The following FSTL5 variants were observed in gnomAD, a reference collection of about 807,000 sequenced individuals.
The protein encoded by FSTL5 is follistatin-related protein 5.
Under a neutral mutation model 89.1 loss-of-function variants are expected in FSTL5, and 62 were observed. The observed-to-expected ratio is 0.70, with a 90% CI of 0.57 to 0.86. The LOEUF (loss-of-function observed/expected upper bound fraction) is 0.86. Ranked by LOEUF, FSTL5 falls within the 40% of genes least tolerant of loss-of-function variation. FSTL5 has a pLI of 0.00. For missense variants in FSTL5, 1,057 were observed against 1,001.6 expected, an observed-to-expected ratio of 1.06 and a Z score of -0.75; for synonymous variants, 383 against 346.2, an observed-to-expected ratio of 1.11 and a Z score of -1.18.
At chr4:161,598,368 CTGTCT>C (rs1458361969) in intron 7 of FSTL5, among the ~76,000 whole-genome samples, 2 of 132,156 alleles carry the variant, frequency 1.5e-5, no homozygotes, top group Non-Finnish European at 3.2e-5. Context: ...GAGTGAGACC[CTGTCT>C]CAAAACAAAC....
intron 6 of FSTL5, among the ~76,000 whole-genome samples, chr4:161,659,980 G>C (rs1476180679): frequency 2.0e-5 from 3 of 152,086 alleles, no homozygotes; most frequent in African/African-American, 7.2e-5. Flanking sequence ...CATGTGTCCA[G>C]AGTCACCTGG....
rs912435645 is a variant in FSTL5, at chr4:161,471,944, T to C, written c.1608+9076A>G. Among the ~76,000 whole-genome samples the C allele has an allele frequency of 7.9e-4, 119 of 151,524 alleles. 2 individuals are homozygous for C. Among genetic ancestry groups the C allele is most frequent in the Admixed American group, 7.8e-3 (118 of 15,196 alleles). ...TATTAATTAAAATCTCTTTCTCTTA[T>C]CCCATCTAGCTAATAGCTTGTCAAT... On this transcript the variant is annotated intron_variant, in intron 13 of 15. Coordinates refer to ENST00000306100, the MANE Select transcript of FSTL5 (RefSeq NM_020116.5).
At chr4:161,656,527 G>A in intron 6 of FSTL5, 33 bp from the exon 7 acceptor site, 2 of 1,412,410 alleles carry the variant, frequency 1.4e-6, no homozygotes, top group Non-Finnish European at 1.9e-6. Flanking sequence ...ATGTTGATGA[G>A]CATTTAGTTT....
intron 10 of FSTL5, among the ~76,000 whole-genome samples, chr4:161,520,958 C>T (rs1418300380): frequency 6.6e-6 from 1 of 152,156 alleles, no homozygotes; most frequent in Non-Finnish European, 1.5e-5. Context: ...CATCTTTAGC[C>T]TGGGGTGTCT....
intron 15 of FSTL5, among the ~76,000 whole-genome samples, chr4:161,433,736 A>T (rs1732461173): frequency 6.6e-6 from 1 of 152,170 alleles, no homozygotes; most frequent in Admixed American, 6.5e-5. Flanking sequence ...TCAACATACA[A>T]AATCAGTAGC....
chr4:161,638,085 C>T (rs1218335266), intron 7 of FSTL5, among the ~76,000 whole-genome samples: 1 of 150,396 alleles, frequency 6.6e-6, no homozygotes, highest in Non-Finnish European at 1.5e-5. Context: ...ATTGATTCTT[C>T]CTACCCATGA....
At chr4:161,945,617 T>G (rs2110936424) in intron 3 of FSTL5, among the ~76,000 whole-genome samples, 1 of 152,234 alleles carries the variant, frequency 6.6e-6, no homozygotes, top group Non-Finnish European at 1.5e-5. Flanking sequence ...CCGGGCGTAG[T>G]GGCATGCACT....
chr4:162,132,212 G>A (rs1732328522), intron 1 of FSTL5, among the ~76,000 whole-genome samples: 1 of 152,150 alleles, frequency 6.6e-6, no homozygotes, highest in Non-Finnish European at 1.5e-5. Context: ...ACAGGGGCAG[G>A]CAGAATTGTT....
At chr4:161,821,931 C>A (rs1384252296) in intron 4 of FSTL5, among the ~76,000 whole-genome samples, 2 of 152,128 alleles carry the variant, frequency 1.3e-5, no homozygotes, top group African/African-American at 2.4e-5. Flanking sequence ...GACTTCTTTT[C>A]TTCTGGGTAG....
intron 4 of FSTL5, among the ~76,000 whole-genome samples, chr4:161,874,201 T>C (rs1354777625): frequency 2.0e-5 from 3 of 152,062 alleles, no homozygotes; most frequent in Admixed American, 6.6e-5. Context: ...TCTCAAACTT[T>C]TGCTATTTTT....
In FSTL5 at chr4:161,551,772, T is replaced by C. The variant is rs1214185370; in HGVS notation, c.1016-9079A>G. On this transcript the variant is annotated intron_variant, in intron 8 of 15. Transcript: ENST00000306100. Reference sequence around the variant, plus strand: ...ATTTAATAAATGGTGCTGGGAAAACTGGCTAGCCATATGTAGAAAGCTGAA... The same window carrying C: ...ATTTAATAAATGGTGCTGGGAAAACCGGCTAGCCATATGTAGAAAGCTGAA... Among the ~76,000 whole-genome samples, 12 of 151,960 alleles carry C rather than the reference T, an allele frequency of 7.9e-5. No individual in the cohort carries two copies. The East Asian group carries it at 2.3e-3, about 30-fold the overall frequency.
At position 161,656,320 on chromosome 4, in the gene FSTL5, G is replaced by A. The variant is rs768488796; in HGVS notation, c.894+8C>T. 6 of 1,421,624 alleles carry A rather than the reference G, an allele frequency of 4.2e-6. No individual in the cohort carries two copies. The East Asian group carries it at 1.2e-4, about 28-fold the overall frequency. The allele number at this position is 1,421,624 out of a possible 1,614,324, so 88.1% of individuals were successfully genotyped here. On this transcript the variant is annotated splice_region_variant and intron_variant, in intron 7 of 15. Coordinates refer to ENST00000306100, the MANE Select transcript of FSTL5 (RefSeq NM_020116.5). ...TATATTATAAAGCAACTATATTTAT[G>A]TACTCACATTGATGTCTTCCAAATC...
At chr4:161,902,569 C>G (rs971582358) in intron 4 of FSTL5, among the ~76,000 whole-genome samples, 20 of 152,116 alleles carry the variant, frequency 1.3e-4, no homozygotes, top group Non-Finnish European at 1.5e-4. Context: ...TAATTTCCAC[C>G]GGGCACGGTG....
intron 4 of FSTL5, among the ~76,000 whole-genome samples, chr4:161,778,825 A>G (rs576319691): frequency 6.6e-6 from 1 of 152,362 alleles, no homozygotes; most frequent in African/African-American, 2.4e-5. Context: ...ACCTTCAAAT[A>G]GCAAACATGT....
chr4:162,111,340 T>C lies in FSTL5; in HGVS notation c.57A>G (p.Glu19=), dbSNP rs1475806790. ...ATCCTCCTTCTTTGGTTGGCCTTCC[T>C]TCCGACTCCAGAAAAATGAATCCGA... ...LVLGFIFLES[E]GRPTKEGGYG... is the part of the protein sequence containing the mutation. The change falls in exon 2 of 16, where the codon GAA becomes GAG. Residue 19 remains glutamate, a synonymous_variant. Transcript: ENST00000306100. The C allele has an allele frequency of 5.6e-6, 9 of 1,612,294 alleles. No homozygotes were observed. The African/African-American group carries it at 8.0e-5, about 14-fold the overall frequency.
At chr4:161,739,781 AAGTTTAAAACATGAGT>A (rs1332320002) in intron 6 of FSTL5, among the ~76,000 whole-genome samples, 1 of 152,132 alleles carries the variant, frequency 6.6e-6, no homozygotes, top group Admixed American at 6.6e-5. Context: ...TGTTTCGTGC[AAGTTTAAAACATGAGT>A]AGCCAGATGA....
At chr4:161,491,129 G>A (rs1338781258) in intron 12 of FSTL5, among the ~76,000 whole-genome samples, 1 of 151,396 alleles carries the variant, frequency 6.6e-6, no homozygotes, top group African/African-American at 2.4e-5. Context: ...TTTAAATAGG[G>A]TTCCAGGCCA....
intron 1 of FSTL5, among the ~76,000 whole-genome samples, chr4:162,136,925 C>G (rs1732542386): frequency 6.6e-6 from 1 of 151,862 alleles, no homozygotes; most frequent in Non-Finnish European, 1.5e-5. Context: ...ACAAAAATTT[C>G]TATTTTTTAA....
At chr4:161,415,849 T>C (rs1484274487) in intron 15 of FSTL5, among the ~76,000 whole-genome samples, 1 of 131,956 alleles carries the variant, frequency 7.6e-6, no homozygotes, top group South Asian at 2.5e-4. Context: ...TATATATATA[T>C]CATTTCAAAG....
Sources: gnomAD v4.1 joint callset for allele counts (sites outside exome capture counted in the v4.1 genomes callset) on GRCh38, gnomAD v4.1.1 for gene constraint, MANE v1.5 for transcripts, NCBI Gene and HGNC (gene_info 2026-07-23, HGNC 2026-07-21) for gene names.